The following IL34 variants were observed in gnomAD, a reference collection of about 807,000 sequenced individuals.
IL34 encodes the protein interleukin 34.
Under a neutral mutation model 25.3 loss-of-function variants are expected in IL34, and 17 were observed. That is an observed-to-expected ratio of 0.67 (90% CI 0.46 to 1.01). The LOEUF is 1.01. IL34 is among the 50% of genes least tolerant of loss of function. The pLI is 0.00. For missense variants in IL34, 368 were observed against 312.9 expected (o/e 1.18, Z -1.33); for synonymous variants, 174 against 140.9 (o/e 1.23, Z -1.66).
chr16:70,628,566 A>C (rs2051447861), intron 1 of IL34, among the ~76,000 whole-genome samples: 1 of 151,122 alleles, frequency 6.6e-6, no homozygotes, highest in Admixed American at 6.6e-5. Flanking sequence ...GGCTCACTGC[A>C]ATCTCCGGCT....
chr16:70,627,907 C>G (rs1181720058), intron 1 of IL34, among the ~76,000 whole-genome samples: 2 of 152,212 alleles, frequency 1.3e-5, no homozygotes, highest in African/African-American at 4.8e-5. Context: ...TATTGTAACA[C>G]ATGGCTTTTG....
chr16:70,638,030 G>A (rs753165089), intron 1 of IL34, among the ~76,000 whole-genome samples: 22 of 152,092 alleles, frequency 1.4e-4, no homozygotes, highest in Non-Finnish European at 2.4e-4. Context: ...CAGCTTTGTT[G>A]TCTTCTTTAA....
chr16:70,628,274 T>C (rs762462756), intron 1 of IL34, among the ~76,000 whole-genome samples: 2 of 152,204 alleles, frequency 1.3e-5, no homozygotes, highest in Non-Finnish European at 2.9e-5. Context: ...GACCTACTTA[T>C]GATGTTAAAT....
upstream of IL34, among the ~76,000 whole-genome samples, chr16:70,644,203 G>A (rs1211797788): frequency 1.3e-5 from 2 of 152,170 alleles, no homozygotes; most frequent in African/African-American, 4.8e-5. Flanking sequence ...TCAAAGTCCT[G>A]ACCTTTTATG....
intron 1 of IL34, among the ~76,000 whole-genome samples, chr16:70,589,874 C>T (rs112117563): frequency 0.012 from 1,828 of 152,274 alleles, 44 homozygotes; most frequent in African/African-American, 0.041. Flanking sequence ...CCGCCTGCCT[C>T]GGCCTCCCAG....
rs111838685 is a variant in IL34 at position 70,601,576 on chromosome 16, G to A, written c.-401+21527G>A. 9.6e-3 allele frequency among the ~76,000 whole-genome samples: 1,461 copies of A among 151,990 alleles called. 13 individuals are homozygous for A. The highest frequency in any genetic ancestry group is 0.019 in the South Asian group (91 of 4,820). On this transcript the variant is annotated intron_variant, in intron 1 of 6. Coordinates refer to the IL34 transcript ENST00000429149. ...ACCCTGCCCGGCTATTTTTTTGTAT[G>A]TTTAGTAGAGACGGGGTTTTGCCAT...
At chr16:70,640,659 A>G (rs1597769610) in intron 1 of IL34, among the ~76,000 whole-genome samples, 1 of 151,844 alleles carries the variant, frequency 6.6e-6, no homozygotes, top group Non-Finnish European at 1.5e-5. Context: ...TTTTAAATAT[A>G]TATATTTCAA....
intron 1 of IL34, among the ~76,000 whole-genome samples, chr16:70,616,410 T>C (rs1159867193): frequency 2.0e-5 from 3 of 152,260 alleles, no homozygotes. Context: ...TGACTCAATG[T>C]AGTCTTAATT....
intron 1 of IL34, among the ~76,000 whole-genome samples, chr16:70,632,780 C>T (rs888055974): frequency 6.6e-6 from 1 of 152,150 alleles, no homozygotes; most frequent in Non-Finnish European, 1.5e-5. Context: ...TGGCCAAGTA[C>T]TGCCTCTCAA....
At chr16:70,584,778 G>A (rs2050672542) in intron 1 of IL34, among the ~76,000 whole-genome samples, 1 of 151,794 alleles carries the variant, frequency 6.6e-6, no homozygotes, top group Admixed American at 6.6e-5. Context: ...CTGGCTCACT[G>A]CAACCTCTGC....
At chr16:70,606,312 C>T (rs1597742870) in intron 1 of IL34, among the ~76,000 whole-genome samples, 1 of 152,148 alleles carries the variant, frequency 6.6e-6, no homozygotes, top group East Asian at 1.9e-4. Flanking sequence ...GCACGAGAAT[C>T]ACTTGAACCT....
At chr16:70,647,099 C>A (rs1313145107) in intron 1 of IL34, 124 bp downstream of exon 1, 2 of 850,578 alleles carry the variant, frequency 2.4e-6, no homozygotes, top group Non-Finnish European at 3.4e-6. Flanking sequence ...CCCAGCCGGA[C>A]TGCAGACACC....
intron 1 of IL34, among the ~76,000 whole-genome samples, chr16:70,650,306 C>T (rs1404200849): frequency 1.3e-5 from 2 of 152,152 alleles, no homozygotes; most frequent in Non-Finnish European, 2.9e-5. Flanking sequence ...AAGAAACTTG[C>T]CCTTAGCAAT....
intron 1 of IL34, among the ~76,000 whole-genome samples, chr16:70,613,043 G>A (rs570690901): frequency 6.6e-6 from 1 of 152,312 alleles, no homozygotes; most frequent in Non-Finnish European, 1.5e-5. Flanking sequence ...AAAGTGCTGG[G>A]ATTACAGGCC....
At chr16:70,635,914 C>T (rs929741596) in intron 1 of IL34, among the ~76,000 whole-genome samples, 1 of 152,078 alleles carries the variant, frequency 6.6e-6, no homozygotes, top group Non-Finnish European at 1.5e-5. Context: ...GTCAGAATCT[C>T]ATATCAAGCC....
intron 1 of IL34, among the ~76,000 whole-genome samples, chr16:70,631,257 A>C (rs1390904441): frequency 6.6e-6 from 1 of 152,158 alleles, no homozygotes; most frequent in Non-Finnish European, 1.5e-5. Flanking sequence ...TGTTGTGGAC[A>C]TGGTCTGTGG....
At chr16:70,634,040 G>T (rs535638243) in intron 1 of IL34, among the ~76,000 whole-genome samples, 1 of 151,810 alleles carries the variant, frequency 6.6e-6, no homozygotes, top group Admixed American at 6.6e-5. Flanking sequence ...TAGTAGAGAC[G>T]GGGTTTCACC....
At chr16:70,622,248 G>C (rs1402482613) in intron 1 of IL34, among the ~76,000 whole-genome samples, 2 of 152,132 alleles carry the variant, frequency 1.3e-5, no homozygotes, top group Non-Finnish European at 2.9e-5. Flanking sequence ...TTCAGTGAAA[G>C]TGTCTATTTA....
At chr16:70,592,648 G>C (rs552274252) in intron 1 of IL34, among the ~76,000 whole-genome samples, 7 of 152,080 alleles carry the variant, frequency 4.6e-5, no homozygotes, top group African/African-American at 1.4e-4. Flanking sequence ...TTATTTATTG[G>C]TTTATTTTTT....
Sources: gnomAD v4.1 joint callset for allele counts (sites outside exome capture counted in the v4.1 genomes callset) on GRCh38, gnomAD v4.1.1 for gene constraint, MANE v1.5 for transcripts, NCBI Gene and HGNC (gene_info 2026-07-23, HGNC 2026-07-21) for gene names.